Variants in XPNPEP3 observed in about 807,000 individuals in gnomAD.
XPNPEP3 encodes xaa-Pro aminopeptidase 3.
Under a neutral mutation model 60.0 loss-of-function variants are expected in XPNPEP3, and 41 were observed. The ratio of observed to expected loss-of-function variants is 0.68; its 90% CI spans 0.53 to 0.89. The LOEUF (loss-of-function observed/expected upper bound fraction) is 0.89. Ranked by LOEUF, XPNPEP3 falls within the 40% of genes least tolerant of loss-of-function variation. XPNPEP3 has a pLI of 0.00. For synonymous variants in XPNPEP3, 212 were observed against 223.2 expected (o/e 0.95, Z 0.45); for missense variants, 598 against 638.9 (o/e 0.94, Z 0.69).
intron 1 of XPNPEP3, chr22:40,860,649 C>A (rs936908865): frequency 3.8e-6 from 5 of 1,301,340 alleles, no homozygotes; most frequent in South Asian, 2.9e-5. Context: ...TGCAGTTTTC[C>A]AAATTCCTTT....
chr22:40,893,097 T>G (rs1439820043), intron 4 of XPNPEP3, among the ~76,000 whole-genome samples: 1 of 143,276 alleles, frequency 7.0e-6, no homozygotes, highest in African/African-American at 2.5e-5. Context: ...ATATTTAGTT[T>G]ATATATAAAT....
chr22:40,860,765 AC>A, intron 1 of XPNPEP3: 1 of 726,612 alleles, frequency 1.4e-6, no homozygotes, highest in Non-Finnish European at 2.2e-6. Context: ...CAGTCTTTCT[AC>A]CAGCTTCCCG....
At chr22:40,880,778 A>C (rs956399277) in intron 2 of XPNPEP3, among the ~76,000 whole-genome samples, 5 of 139,092 alleles carry the variant, frequency 3.6e-5, no homozygotes, top group African/African-American at 8.2e-5. Context: ...AGATAGCGAG[A>C]CTCCCTCTCA....
chr22:40,883,603 C>T (rs1233621633), intron 3 of XPNPEP3, among the ~76,000 whole-genome samples: 2 of 152,132 alleles, frequency 1.3e-5, no homozygotes, highest in African/African-American at 2.4e-5. Context: ...CTCAAGTGAG[C>T]CTCCCACCTC....
intron 1 of XPNPEP3, among the ~76,000 whole-genome samples, chr22:40,865,427 C>T (rs1287030476): frequency 4.0e-5 from 6 of 150,092 alleles, no homozygotes; most frequent in Non-Finnish European, 8.9e-5. Flanking sequence ...TTCCCAGGTT[C>T]AAGCCATTCT....
At chr22:40,896,893 A>G (rs2058110418) in intron 4 of XPNPEP3, among the ~76,000 whole-genome samples, 1 of 152,102 alleles carries the variant, frequency 6.6e-6, no homozygotes, top group African/African-American at 2.4e-5. Context: ...AGAATCATAC[A>G]GTATTTGTCT....
intron 1 of XPNPEP3, chr22:40,862,697 A>G: frequency 3.0e-6 from 3 of 985,510 alleles, no homozygotes; most frequent in Non-Finnish European, 3.6e-6. Flanking sequence ...ATTTGAGATT[A>G]TAGTATCTTT....
rs574844939 is a variant in XPNPEP3, at chr22:40,887,002, A to G, written c.792+487A>G. ...GACTTGCTTAATACCTTGCAAGACAAAGTAAATCTGCCTTCTGTTAAGATG... is the reference window on the plus strand; with the variant it reads ...GACTTGCTTAATACCTTGCAAGACAGAGTAAATCTGCCTTCTGTTAAGATG... On this transcript the variant is annotated intron_variant, in intron 4 of 9. Transcript: ENST00000357137. Among the ~76,000 whole-genome samples the G allele has an allele frequency of 5.3e-5, 8 of 152,206 alleles. No individual in the cohort carries two copies. The South Asian group carries it at 1.5e-3, about 28-fold the overall frequency.
At position 40,927,145 on chromosome 22, in the gene XPNPEP3, G is replaced by T. The variant is rs1270772604; in HGVS notation, c.*710G>T. ...TAGATTCTTGATAAAGATGGAAATG[G>T]AAGAGAAAGAAAATTATATATGTAT... On this transcript the variant is annotated 3_prime_UTR_variant, in exon 10 of 10. Transcript: ENST00000357137. 1.3e-5 allele frequency: 2 copies of T among 153,586 alleles called. No homozygotes were observed. Among genetic ancestry groups the T allele is most frequent in the Non-Finnish European group, 2.9e-5 (2 of 69,056 alleles). The allele number at this position is 153,586 out of a possible 1,614,324, so 9.5% of individuals were successfully genotyped here.
rs200737218 is a variant in XPNPEP3, at chr22:40,930,125, G to GTT, written c.*3696_*3697dup. 1 of 145,718 alleles carries GTT rather than the reference G, an allele frequency of 6.9e-6. No individual in the cohort carries two copies. 9.0% of individuals were successfully genotyped at this position (145,718 alleles called of 1,614,324 possible). A position where few individuals can be genotyped will look rare whatever the true frequency, so the allele number is the denominator to read the frequency against. ...TTTTTTTTTAAAGGTTTTTTGTGGG[G>GTT]TTTTTTTGTTTTTTTTTTTTTTGAG... On this transcript the variant is annotated 3_prime_UTR_variant, in exon 10 of 10. Coordinates refer to ENST00000357137, the MANE Select transcript of XPNPEP3 (RefSeq NM_022098.4).
At chr22:40,910,993 C>A (rs887488257) in intron 6 of XPNPEP3, among the ~76,000 whole-genome samples, 1 of 152,094 alleles carries the variant, frequency 6.6e-6, no homozygotes, top group African/African-American at 2.4e-5. Flanking sequence ...GGTGACAGAG[C>A]GAGACTCCGT....
intron 3 of XPNPEP3, 137 bp downstream of exon 3, chr22:40,882,314 G>T: frequency 1.0e-6 from 1 of 1,000,916 alleles, no homozygotes; most frequent in Non-Finnish European, 1.5e-6. Context: ...GAAATGTAAA[G>T]TCTTTTTCAG....
In XPNPEP3 at chr22:40,886,512, A is replaced by T. The variant is rs762603874; in HGVS notation, c.789A>T (p.Ser263=). 2 of 1,613,798 alleles carry T rather than the reference A, an allele frequency of 1.2e-6. No individual in the cohort carries two copies. Among genetic ancestry groups the T allele is most frequent in the East Asian group, 4.5e-5 (2 of 44,868 alleles). Residue 263 remains serine (S), a synonymous_variant, in exon 4 of 10, where the codon TCA becomes TCT. Transcript: ENST00000357137. ...TGCAGATTGCTGGGAAGCTGACATC[A>T]CAGGTATGATTCCTATTGAAAAGTT... ...ERMQIAGKLT[S]QAFIETMFTS...
chr22:40,898,937 T>C (rs1470552863), intron 4 of XPNPEP3, among the ~76,000 whole-genome samples: 3 of 152,154 alleles, frequency 2.0e-5, no homozygotes, highest in Non-Finnish European at 4.4e-5. Context: ...GTTGCCCATA[T>C]CTAGATACAT....
At chr22:40,901,530 G>A (rs906314779) in intron 4 of XPNPEP3, among the ~76,000 whole-genome samples, 5 of 151,684 alleles carry the variant, frequency 3.3e-5, no homozygotes, top group South Asian at 2.1e-4. Flanking sequence ...CCACCACGCC[G>A]GGCCTATTTA....
chr22:40,885,306 A>G (rs2058064444), intron 3 of XPNPEP3, among the ~76,000 whole-genome samples: 1 of 152,188 alleles, frequency 6.6e-6, no homozygotes, highest in South Asian at 2.1e-4. Flanking sequence ...CTACTGTTAG[A>G]AAAAAAGAAC....
At chr22:40,860,708 A>C in intron 1 of XPNPEP3, 1 of 1,042,608 alleles carries the variant, frequency 9.6e-7, no homozygotes, top group Non-Finnish European at 1.4e-6. Flanking sequence ...GCTGGAGTGC[A>C]GTGGCGTGAT....
At chr22:40,899,794 G>A (rs1406284524) in intron 4 of XPNPEP3, among the ~76,000 whole-genome samples, 4 of 146,676 alleles carry the variant, frequency 2.7e-5, no homozygotes, top group Non-Finnish European at 6.0e-5. Context: ...ACTCCAGCCT[G>A]GTGACAGAGC....
intron 4 of XPNPEP3, among the ~76,000 whole-genome samples, chr22:40,890,886 T>C (rs1413089979): frequency 6.6e-6 from 1 of 151,916 alleles, no homozygotes; most frequent in Non-Finnish European, 1.5e-5. Context: ...AATAAAGAAA[T>C]AGAAGACAAA....
Sources: allele counts gnomAD v4.1 joint callset (sites outside exome capture counted in the v4.1 genomes callset), GRCh38; gene constraint gnomAD v4.1.1; transcripts MANE v1.5; gene names NCBI Gene and HGNC (gene_info 2026-07-23, HGNC 2026-07-21).